WASF3: variants seen among roughly 807,000 people sequenced by gnomAD.
The protein encoded by WASF3 is WASP family member 3, also known as actin-binding protein WASF3.
In WASF3, 11 loss-of-function variants were observed where a neutral mutation model predicts 46.6. The observed-to-expected ratio is 0.24, with a 90% CI of 0.15 to 0.39. The LOEUF is 0.39. WASF3 is among the 10% of genes least tolerant of loss of function. WASF3 has a pLI of 1.00. For missense variants in WASF3, 576 were observed against 669.8 expected (o/e 0.86, Z 1.55); for synonymous variants, 242 against 259.7 (o/e 0.93, Z 0.65).
intron 6 of WASF3, 122 bp from the exon 7 acceptor site, chr13:26,676,427 G>A: frequency 1.5e-5 from 16 of 1,060,206 alleles, no homozygotes; most frequent in East Asian, 2.6e-5. Context: ...TAGGGTAATC[G>A]AAATGCGAAT....
Position 26,576,838 on chromosome 13 carries a change from A to G in WASF3, c.-109+19019A>G, listed in dbSNP as rs1566039733. On this transcript the variant is annotated intron_variant, in intron 1 of 9. Coordinates refer to ENST00000335327, the MANE Select transcript of WASF3 (RefSeq NM_006646.6). ...TCCTCCAGTGGTAACATCCTACGTAACTATAGTATAATATCAAAACCGCCC... is the reference window on the plus strand; with the variant it reads ...TCCTCCAGTGGTAACATCCTACGTAGCTATAGTATAATATCAAAACCGCCC... 7.8e-6 allele frequency: 4 copies of G among 512,350 alleles called. No individual in the cohort carries two copies. In the Admixed American group the frequency reaches 1.3e-4, roughly 17 times the overall value. The allele number at this position is 512,350 out of a possible 1,614,324, so 31.7% of individuals were successfully genotyped here.
Position 26,673,254 on chromosome 13 carries a change from G to A in WASF3, c.540+1265G>A, listed in dbSNP as rs144600649. Among the ~76,000 whole-genome samples the A allele has an allele frequency of 4.6e-5, 7 of 152,186 alleles. No homozygotes were observed. In the East Asian group the frequency reaches 1.3e-3, roughly 29 times the overall value. ...TTAATTTTTTGCCACTCTTCTTGAA[G>A]GGGAAACAATTTTTATGTATGAATA... On this transcript the variant is annotated intron_variant, in intron 6 of 9. Coordinates refer to ENST00000335327, the MANE Select transcript of WASF3 (RefSeq NM_006646.6).
chr13:26,623,053 C>T (rs1000930497), intron 2 of WASF3, among the ~76,000 whole-genome samples: 2 of 152,154 alleles, frequency 1.3e-5, no homozygotes, highest in African/African-American at 4.8e-5. Flanking sequence ...TAGCAGAGCA[C>T]AGGGGGAACA....
intron 1 of WASF3, among the ~76,000 whole-genome samples, chr13:26,580,932 CTTTTTTTT>C (rs5802385): frequency 1.4e-4 from 19 of 136,706 alleles, no homozygotes; most frequent in Admixed American, 1.4e-3. Context: ...GCATAAATTT[CTTTTTTTT>C]TTTTTTTTAA....
At chr13:26,560,600 A>C (rs1482017500) in intron 1 of WASF3, among the ~76,000 whole-genome samples, 1 of 152,238 alleles carries the variant, frequency 6.6e-6, no homozygotes, top group African/African-American at 2.4e-5. Flanking sequence ...CAAGATGTTC[A>C]TAGTCTACCA....
chr13:26,555,793 A>C (rs1460398922), upstream of WASF3, among the ~76,000 whole-genome samples: 1 of 151,998 alleles, frequency 6.6e-6, no homozygotes, highest in African/African-American at 2.4e-5. Flanking sequence ...GATAAGAAGC[A>C]CTCCTATTTA....
At chr13:26,629,084 C>T (rs1476965084) in intron 2 of WASF3, among the ~76,000 whole-genome samples, 1 of 152,230 alleles carries the variant, frequency 6.6e-6, no homozygotes, top group Admixed American at 6.5e-5. Context: ...TGGGCCCACG[C>T]TCGACGTCCT....
intron 2 of WASF3, among the ~76,000 whole-genome samples, chr13:26,632,524 A>C (rs1159044175): frequency 1.3e-5 from 2 of 152,200 alleles, no homozygotes; most frequent in African/African-American, 2.4e-5. Flanking sequence ...CATGAAGCTG[A>C]CTTGATCATG....
rs139077566 is a variant in WASF3, at chr13:26,610,923, TA to T, written c.-108-2037del. ...AGTCTAGTTAATTCTTCAAGACTTTTATGGTTCTTGACTTATGTTAGAAATG... is the reference window on the plus strand; with the variant it reads ...AGTCTAGTTAATTCTTCAAGACTTTTTGGTTCTTGACTTATGTTAGAAATG... On this transcript the variant is annotated intron_variant, in intron 1 of 9. Coordinates refer to ENST00000335327, the MANE Select transcript of WASF3 (RefSeq NM_006646.6). Among the ~76,000 whole-genome samples the T allele has an allele frequency of 3.1e-3, 474 of 152,294 alleles. 2 individuals carry two copies. The highest frequency in any genetic ancestry group is 0.011 in the African/African-American group (446 of 41,556).
chr13:26,681,433 A>T (rs1883228651), intron 8 of WASF3, 113 bp downstream of exon 8: 1 of 1,266,680 alleles, frequency 7.9e-7, no homozygotes, highest in Admixed American at 2.6e-5. Context: ...AGAGTCAAGG[A>T]TGACTGGATG....
intron 1 of WASF3, among the ~76,000 whole-genome samples, chr13:26,587,689 G>A (rs1006681547): frequency 6.6e-6 from 1 of 152,168 alleles, no homozygotes; most frequent in South Asian, 2.1e-4. Flanking sequence ...GTTCATGGGA[G>A]AAGACAATCA....
intron 1 of WASF3, chr13:26,577,360 A>G (rs1354465904): frequency 5.2e-6 from 4 of 766,138 alleles, no homozygotes; most frequent in Non-Finnish European, 7.2e-6. Flanking sequence ...CTCAGCACCA[A>G]CAGGTCCGCC....
intron 1 of WASF3, among the ~76,000 whole-genome samples, chr13:26,590,303 G>T (rs1012591445): frequency 1.6e-4 from 24 of 152,098 alleles, no homozygotes; most frequent in Non-Finnish European, 2.5e-4. Flanking sequence ...GTACTAATAA[G>T]ATTGCCACCT....
At chr13:26,563,609 C>T (rs957617353) in intron 1 of WASF3, among the ~76,000 whole-genome samples, 21 of 131,376 alleles carry the variant, frequency 1.6e-4, no homozygotes, top group African/African-American at 5.8e-4. Flanking sequence ...GAGCTGAGAT[C>T]GTGCCACTGT....
chr13:26,564,378 A>C (rs1566036031), intron 1 of WASF3, among the ~76,000 whole-genome samples: 1 of 152,110 alleles, frequency 6.6e-6, no homozygotes, highest in Non-Finnish European at 1.5e-5. Context: ...CACTTATTTC[A>C]CTGTGGTAAC....
intron 2 of WASF3, chr13:26,626,198 T>TGA (rs1236946519): frequency 6.6e-6 from 1 of 152,162 alleles, no homozygotes; most frequent in African/African-American, 2.4e-5. Flanking sequence ...CAAGGATCAG[T>TGA]GAGAGGGTCA....
chr13:26,645,645 C>T (rs945563670), intron 3 of WASF3, among the ~76,000 whole-genome samples: 2 of 151,848 alleles, frequency 1.3e-5, no homozygotes, highest in Non-Finnish European at 2.9e-5. Flanking sequence ...ATCTACTATT[C>T]TTTTACACAC....
intron 7 of WASF3, chr13:26,680,148 C>A (rs766758542): frequency 6.3e-7 from 1 of 1,596,576 alleles, no homozygotes; most frequent in South Asian, 1.1e-5. Flanking sequence ...TTATGAGTGA[C>A]GCAAAGAAAC....
intron 5 of WASF3, among the ~76,000 whole-genome samples, chr13:26,671,014 G>A (rs913920354): frequency 3.3e-5 from 5 of 152,122 alleles, no homozygotes; most frequent in African/African-American, 1.2e-4. Context: ...TGCTTCCCCT[G>A]TGTTCCTTAA....
Sources: allele counts gnomAD v4.1 joint callset (sites outside exome capture counted in the v4.1 genomes callset), GRCh38; gene constraint gnomAD v4.1.1; transcripts MANE v1.5; gene names NCBI Gene and HGNC (gene_info 2026-07-23, HGNC 2026-07-21).